SPG21: variants seen among roughly 807,000 people sequenced by gnomAD.
SPG21 encodes the protein maspardin.
Under a neutral mutation model 38.9 loss-of-function variants are expected in SPG21, and 26 were observed. The observed-to-expected ratio is 0.67, with a 90% confidence interval of 0.49 to 0.93. SPG21 has a LOEUF of 0.93. SPG21 is among the 40% of genes least tolerant of loss of function. The pLI, the probability that SPG21 is intolerant of heterozygous loss-of-function variation, is 0.00. For synonymous variants in SPG21, 136 were observed against 128.9 expected, an observed-to-expected ratio of 1.05 and a Z score of -0.37; for missense variants, 333 against 376.5, an observed-to-expected ratio of 0.88 and a Z score of 0.96.
chr15:64,983,152 G>A (rs1241257450), intron 2 of SPG21: 2 of 274,806 alleles, frequency 7.3e-6, no homozygotes, highest in South Asian at 3.0e-5. Context: ...TAGCTACTTG[G>A]CAGGTTGAGG....
At chr15:64,989,345 G>A (rs941325029) in intron 1 of SPG21, 2 of 152,112 alleles carry the variant, frequency 1.3e-5, no homozygotes, top group Admixed American at 6.6e-5. Flanking sequence ...CCCAGGATGG[G>A]TTTACAGGAG....
intron 3 of SPG21, among the ~76,000 whole-genome samples, chr15:64,980,108 C>CT (rs2085854098): frequency 6.6e-6 from 1 of 152,140 alleles, no homozygotes; most frequent in African/African-American, 2.4e-5. Context: ...CCTTTGTTGT[C>CT]TAATATTCCA....
chr15:64,965,497 G>C, intron 7 of SPG21, 37 bp from the exon 8 acceptor site: 1 of 1,613,840 alleles, frequency 6.2e-7, no homozygotes. Flanking sequence ...CATAGGAAAG[G>C]TAAAACACAC....
chr15:64,977,993 T>TTTG (rs746538057), intron 3 of SPG21, among the ~76,000 whole-genome samples: 1 of 151,954 alleles, frequency 6.6e-6, no homozygotes, highest in African/African-American at 2.4e-5. Context: ...CGACTAATTT[T>TTTG]TTGTTGTTGT....
chr15:64,981,253 A>C, intron 2 of SPG21: 1 of 539,654 alleles, frequency 1.9e-6, no homozygotes, highest in Non-Finnish European at 3.3e-6. Flanking sequence ...ATAATCTTCC[A>C]AAGGGCTGCT....
At chr15:64,981,506 G>A (rs1370788285) in intron 2 of SPG21, 2 of 164,538 alleles carry the variant, frequency 1.2e-5, no homozygotes, top group Non-Finnish European at 2.6e-5. Flanking sequence ...GGTCAGGCTG[G>A]TCTCGAACTC....
intron 3 of SPG21, among the ~76,000 whole-genome samples, chr15:64,980,464 C>T (rs1182618826): frequency 1.3e-5 from 2 of 152,100 alleles, no homozygotes. Context: ...CCTGGCTGGG[C>T]GCAGTGGCTC....
intron 2 of SPG21, among the ~76,000 whole-genome samples, 157 bp downstream of exon 2, chr15:64,983,350 A>G (rs947707943): frequency 6.6e-6 from 1 of 152,216 alleles, no homozygotes; most frequent in Non-Finnish European, 1.5e-5. Context: ...TTGACTGTAC[A>G]TGACAGGGAA....
At chr15:64,976,589 T>C (rs368212220) in intron 3 of SPG21, 34 bp from the exon 4 acceptor site, 113 of 1,546,316 alleles carry the variant, frequency 7.3e-5, no homozygotes, top group Non-Finnish European at 1.0e-4. Context: ...TTTTTAAAAA[T>C]CATAAAAGTA....
chr15:64,986,028 T>C (rs920183468), intron 1 of SPG21, among the ~76,000 whole-genome samples: 2 of 152,122 alleles, frequency 1.3e-5, no homozygotes, highest in Non-Finnish European at 2.9e-5. Flanking sequence ...CAGATATATA[T>C]AGTGAAATAA....
intron 2 of SPG21, 178 bp from the exon 3 acceptor site, chr15:64,981,203 C>T: frequency 2.9e-6 from 2 of 679,302 alleles, no homozygotes; most frequent in Non-Finnish European, 5.0e-6. Flanking sequence ...TTTCTTTCCT[C>T]AGGGCTAACG....
At chr15:64,983,369 C>T in intron 2 of SPG21, 138 bp downstream of exon 2, 6 of 664,826 alleles carry the variant, frequency 9.0e-6, no homozygotes, top group Non-Finnish European at 1.6e-5. Flanking sequence ...AAGGAGTGAA[C>T]TTAATCCTCT....
intron 1 of SPG21, 39 bp from the exon 2 acceptor site, chr15:64,983,632 A>G (rs1433595014): frequency 1.0e-5 from 13 of 1,243,720 alleles, no homozygotes; most frequent in Non-Finnish European, 1.5e-5. Context: ...TCAAGAATTC[A>G]TGTTTACATC....
intron 3 of SPG21, among the ~76,000 whole-genome samples, chr15:64,980,571 T>C (rs2085863343): frequency 2.0e-5 from 3 of 151,836 alleles, no homozygotes; most frequent in African/African-American, 4.8e-5. Context: ...ACCCCGTCTC[T>C]ACTAAAAATA....
At chr15:64,967,533 G>A (rs1161572920) in intron 7 of SPG21, among the ~76,000 whole-genome samples, 1 of 151,792 alleles carries the variant, frequency 6.6e-6, no homozygotes. Flanking sequence ...GAATGCAGTG[G>A]TGCGATCTCA....
At chr15:64,975,269 C>T (rs2085752204) in intron 4 of SPG21, among the ~76,000 whole-genome samples, 1 of 139,632 alleles carries the variant, frequency 7.2e-6, no homozygotes, top group South Asian at 2.2e-4. Flanking sequence ...GCCTGGGCAA[C>T]AGAGCGAGAC....
At chr15:64,964,324 C>T (rs1471691077) in intron 8 of SPG21, among the ~76,000 whole-genome samples, 1 of 152,180 alleles carries the variant, frequency 6.6e-6, no homozygotes, top group Non-Finnish European at 1.5e-5. Context: ...GTTTACCCTT[C>T]CCTTCTGCTG....
intron 7 of SPG21, among the ~76,000 whole-genome samples, chr15:64,966,359 T>C (rs2085540211): frequency 6.6e-6 from 1 of 152,296 alleles, no homozygotes; most frequent in Admixed American, 6.5e-5. Flanking sequence ...AAATATACCA[T>C]ACCAAATCTG....
Position 64,964,203 on chromosome 15 carries a change from AAC to A in SPG21, c.811-469_811-468del, listed in dbSNP as rs556984568. On this transcript the variant is annotated intron_variant, in intron 8 of 8. Coordinates refer to ENST00000204566, the MANE Select transcript of SPG21 (RefSeq NM_016630.7). ...AGACATACTAAATAGAGAAAAGTCA[AAC>A]AATTTTTTGAAACCACATTTGGGAT... is the stretch of plus-strand genomic sequence containing the variant. Among the ~76,000 whole-genome samples the A allele has an allele frequency of 1.0e-3, 158 of 152,368 alleles. 1 individual carries two copies. The highest frequency in any genetic ancestry group is 3.7e-3 in the African/African-American group (155 of 41,598).
Sources: allele counts gnomAD v4.1 joint callset (sites outside exome capture counted in the v4.1 genomes callset), GRCh38; gene constraint gnomAD v4.1.1; transcripts MANE v1.5; gene names NCBI Gene and HGNC (gene_info 2026-07-23, HGNC 2026-07-21).